Variants in IGSF6 observed in about 807,000 individuals in gnomAD.
The protein encoded by IGSF6 is down-regulated by activation (immunoglobulin superfamily).
A neutral mutation model predicts 24.7 loss-of-function variants in IGSF6; 23 were observed. That is an observed-to-expected ratio of 0.93 (90% CI 0.67 to 1.32). The LOEUF (loss-of-function observed/expected upper bound fraction) is 1.32, where lower values mean the gene tolerates loss of function less well. Among genes scored for constraint, IGSF6 ranks in the 40% most tolerant of loss-of-function variants. The pLI, the probability that IGSF6 is intolerant of heterozygous loss-of-function variation, is 0.00. For synonymous variants in IGSF6, 110 were observed against 113.7 expected, an observed-to-expected ratio of 0.97 and a Z score of 0.21; for missense variants, 295 against 293.6, an observed-to-expected ratio of 1.00 and a Z score of -0.04.
chr16:21,647,460 G>A lies in IGSF6; in HGVS notation c.100C>T (p.Gln34Ter), dbSNP rs1966461387. The change falls in exon 2 of 6, where the codon CAA becomes TAA. Residue 34 changes from glutamine (Q) to a stop codon, truncating the protein, a stop_gained. Coordinates refer to ENST00000268389, the MANE Select transcript of IGSF6 (RefSeq NM_005849.4). LOFTEE classifies it high-confidence loss of function. ...AVGACTLSVT[Q>*]PWYLEVDYTH... is the part of the protein sequence containing the mutation. ...TAGTCCACTTCTAGGTACCACGGTTGTGTGACAGAGAGAGTACAGGCGCCC... is the reference window on the plus strand; with the variant it reads ...TAGTCCACTTCTAGGTACCACGGTTATGTGACAGAGAGAGTACAGGCGCCC... 3.7e-6 allele frequency: 6 copies of A among 1,614,024 alleles called. No individual in the cohort carries two copies. The highest frequency in any genetic ancestry group is 5.1e-6 in the Non-Finnish European group (6 of 1,179,948).
In IGSF6 at chr16:21,647,126, G is replaced by A; in HGVS notation, c.427+7C>T. The A allele has an allele frequency of 6.2e-7, 1 of 1,614,124 alleles. No homozygotes were observed. ...TGATGCACTGAAATAAAGCCTCGCT[G>A]ACTGACCTCTTACCACCAGTGTGGT... On this transcript the variant is annotated splice_region_variant and intron_variant, in intron 2 of 5. Transcript: ENST00000268389.
chr16:21,646,297 A>C (rs1478479282), intron 2 of IGSF6: 1 of 152,154 alleles, frequency 6.6e-6, no homozygotes, highest in Non-Finnish European at 1.5e-5. Flanking sequence ...TCAGGAAGTG[A>C]GAGTCATCAC....
intron 3 of IGSF6, among the ~76,000 whole-genome samples, chr16:21,643,911 C>T (rs1966346220): frequency 1.3e-5 from 2 of 152,120 alleles, no homozygotes; most frequent in African/African-American, 4.8e-5. Context: ...TTAGTTTCTT[C>T]ATCAACCCAT....
At position 21,647,247 on chromosome 16, in the gene IGSF6, C is replaced by T. The variant is rs202168035; in HGVS notation, c.313G>A (p.Val105Ile). Reference protein sequence around the residue: ...ALKENQVSLTVNRVTSNDSAI... With the variant: ...ALKENQVSLTINRVTSNDSAI... Reference sequence around the variant, plus strand: ...CTGTCATTTGAAGTCACTCTGTTTACAGTGAGGGAAACTTGGTTTTCTTTG... The same window carrying T: ...CTGTCATTTGAAGTCACTCTGTTTATAGTGAGGGAAACTTGGTTTTCTTTG... The change falls in exon 2 of 6, where the codon GTA becomes ATA. Residue 105 changes from valine (V) to isoleucine (I), a missense_variant. Transcript: ENST00000268389. 5 of 1,614,188 alleles carry T rather than the reference C, an allele frequency of 3.1e-6. No homozygotes were observed. In the East Asian group the frequency reaches 8.9e-5, roughly 29 times the overall value.
intron 1 of IGSF6, chr16:21,652,182 A>G (rs557717655): frequency 1.2e-5 from 2 of 172,010 alleles, no homozygotes; most frequent in Non-Finnish European, 1.2e-5. Flanking sequence ...CTTTGAAAAT[A>G]TTCAGCAAAT....
chr16:21,647,207 C>G lies in IGSF6; in HGVS notation c.353G>C (p.Cys118Ser). The G allele has an allele frequency of 6.2e-7, 1 of 1,614,144 alleles. No individual in the cohort carries two copies. Among genetic ancestry groups the G allele is most frequent in the Non-Finnish European group, 8.5e-7 (1 of 1,180,018 alleles). Residue 118 changes from cysteine to serine, a missense_variant, in exon 2 of 6, where the codon TGT becomes TCT. By Grantham distance (112) the Cys-to-Ser change is moderately radical. Transcript: ENST00000268389. Reference protein sequence around the residue: ...VTSNDSAIYICGIAFPSVPEA... With the variant: ...VTSNDSAIYISGIAFPSVPEA... ...CGGCACACTGGGGAATGCTATTCCA[C>G]AGATGTAAATTGCACTGTCATTTGA...
chr16:21,650,508 CA>C (rs3046229), intron 1 of IGSF6, among the ~76,000 whole-genome samples: 4,042 of 89,924 alleles, frequency 0.045, 52 homozygotes, highest in Non-Finnish European at 0.06. Flanking sequence ...ACTCTTGTCT[CA>C]AAAAAAAAAA....
intron 5 of IGSF6, chr16:21,642,036 G>A (rs1376363890): frequency 6.6e-6 from 1 of 152,414 alleles, no homozygotes; most frequent in Non-Finnish European, 1.5e-5. Context: ...AAAATCCTTT[G>A]TGAAAGTTAG....
At chr16:21,643,712 T>C (rs1966340016) in intron 3 of IGSF6, 114 bp from the exon 4 acceptor site, 1 of 657,776 alleles carries the variant, frequency 1.5e-6, no homozygotes, top group Admixed American at 3.2e-5. Context: ...TGATATACAA[T>C]GAGACTTAAT....
intron 5 of IGSF6, among the ~76,000 whole-genome samples, chr16:21,642,813 G>A (rs897766297): frequency 2.0e-5 from 3 of 152,120 alleles, no homozygotes; most frequent in African/African-American, 7.2e-5. Flanking sequence ...TGTCTGTATT[G>A]AAAACATTGC....
In IGSF6 at chr16:21,641,461, A is replaced by G; in HGVS notation, c.*73T>C. On this transcript the variant is annotated 3_prime_UTR_variant, in exon 6 of 6. Coordinates refer to ENST00000268389, the MANE Select transcript of IGSF6 (RefSeq NM_005849.4). ...CTTTATTTTTTTTTAAGACCTGATG[A>G]TATATGTTCATTAACACTGCCATAG... 3.9e-6 allele frequency: 3 copies of G among 772,806 alleles called. No homozygotes were observed. The highest frequency in any genetic ancestry group is 6.4e-6 in the Non-Finnish European group (3 of 469,134). 47.9% of individuals were successfully genotyped at this position (772,806 alleles called of 1,614,324 possible).
At chr16:21,643,328 T>A (rs1966327972) in intron 4 of IGSF6, among the ~76,000 whole-genome samples, 174 bp from the exon 5 acceptor site, 1 of 152,190 alleles carries the variant, frequency 6.6e-6, no homozygotes, top group Non-Finnish European at 1.5e-5. Flanking sequence ...AAATATAATT[T>A]ATGGTTGAGA....
At chr16:21,643,995 C>T (rs924214348) in intron 3 of IGSF6, among the ~76,000 whole-genome samples, 1 of 152,158 alleles carries the variant, frequency 6.6e-6, no homozygotes, top group Non-Finnish European at 1.5e-5. Context: ...GCCCACACCT[C>T]ACCCCTACAG....
rs1208595858 is a variant in IGSF6 at position 21,652,578 on chromosome 16, G to A, written c.21C>T (p.Ser7=). 4 of 1,610,566 alleles carry A rather than the reference G, an allele frequency of 2.5e-6. No individual in the cohort carries two copies. The East Asian group carries it at 8.9e-5, about 36-fold the overall frequency. The change falls in exon 1 of 6, where the codon AGC becomes AGT. Residue 7 remains serine (S), a synonymous_variant. Coordinates refer to ENST00000268389, the MANE Select transcript of IGSF6 (RefSeq NM_005849.4). The part of the protein sequence containing the change: MGTASR[S]NIARHLQTNL... ...TGGTTTGCAGATGGCGAGCGATGTT[G>A]CTTCTGCTCGCAGTCCCCATTTCTG...
chr16:21,652,512 G>T lies in IGSF6; in HGVS notation c.67+20C>A. The T allele has an allele frequency of 6.3e-7, 1 of 1,586,846 alleles. No individual in the cohort carries two copies. The highest frequency in any genetic ancestry group is 8.6e-7 in the Non-Finnish European group (1 of 1,160,786). On this transcript the variant is annotated intron_variant, in intron 1 of 5. Transcript: ENST00000268389. The stretch of plus-strand genomic sequence containing the variant: ...AGTTGATTTAAATAAAATGAAGGAG[G>T]AGAAGAAAAAGAACCTTACCGACAC...
intron 1 of IGSF6, among the ~76,000 whole-genome samples, chr16:21,647,916 C>T (rs1467089335): frequency 4.6e-5 from 7 of 152,206 alleles, no homozygotes; most frequent in Non-Finnish European, 8.8e-5. Context: ...GTGTGGTAAC[C>T]TGTGTCCCCA....
intron 1 of IGSF6, among the ~76,000 whole-genome samples, chr16:21,649,976 G>T (rs1295466264): frequency 6.6e-6 from 1 of 152,056 alleles, no homozygotes; most frequent in East Asian, 1.9e-4. Context: ...TCCAAATTGG[G>T]TAGTGTTTTT....
chr16:21,642,072 C>T (rs1459303577), intron 5 of IGSF6: 1 of 152,268 alleles, frequency 6.6e-6, no homozygotes, highest in Non-Finnish European at 1.5e-5. Context: ...TTTGGCAGCA[C>T]ATACACTAAA....
intron 4 of IGSF6, 62 bp from the exon 5 acceptor site, chr16:21,643,216 A>C: frequency 7.8e-7 from 1 of 1,284,432 alleles, no homozygotes; most frequent in South Asian, 1.2e-5. Flanking sequence ...ATAACGACGC[A>C]TCATCAGAAC....
Sources: allele counts gnomAD v4.1 joint callset (sites outside exome capture counted in the v4.1 genomes callset), GRCh38; gene constraint gnomAD v4.1.1; transcripts MANE v1.5; gene names NCBI Gene and HGNC (gene_info 2026-07-23, HGNC 2026-07-21).